Variants in ERICH3 observed in about 807,000 individuals in gnomAD.
The protein encoded by ERICH3 is glutamate-rich protein 3.
A neutral mutation model predicts 131.1 loss-of-function variants in ERICH3; 126 were observed. The ratio of observed to expected loss-of-function variants is 0.96; its 90% CI spans 0.83 to 1.11. The LOEUF (loss-of-function observed/expected upper bound fraction) is 1.11. ERICH3 is among the 50% of genes most tolerant of loss of function. The pLI, the probability that ERICH3 is intolerant of heterozygous loss-of-function variation, is 0.00. For synonymous variants in ERICH3, 695 were observed against 644.6 expected (o/e 1.08, Z -1.18); for missense variants, 2,050 against 1,810.7 (o/e 1.13, Z -2.40).
chr1:74,585,645 A>C (rs1647291724), intron 12 of ERICH3, among the ~76,000 whole-genome samples: 1 of 152,120 alleles, frequency 6.6e-6, no homozygotes, highest in Non-Finnish European at 1.5e-5. Context: ...CTTTTATTCT[A>C]ACTGAAAAAT....
At chr1:74,671,438 G>A (rs1198131332) in intron 1 of ERICH3, among the ~76,000 whole-genome samples, 1 of 152,196 alleles carries the variant, frequency 6.6e-6, no homozygotes, top group South Asian at 2.1e-4. Flanking sequence ...AAAACTTGCT[G>A]GTTTGAGACT....
chr1:74,601,718 G>A (rs185395817), intron 10 of ERICH3, among the ~76,000 whole-genome samples: 2 of 151,958 alleles, frequency 1.3e-5, no homozygotes, highest in Non-Finnish European at 2.9e-5. Context: ...GAGAGAATAT[G>A]AGTGGATTGC....
chr1:74,617,718 AG>A (rs1240371307), intron 8 of ERICH3, among the ~76,000 whole-genome samples: 2 of 152,236 alleles, frequency 1.3e-5, no homozygotes, highest in Non-Finnish European at 2.9e-5. Flanking sequence ...AAAGAGAACA[AG>A]GGAACTTCCT....
chr1:74,606,723 A>T lies in ERICH3; in HGVS notation c.1367T>A (p.Phe456Tyr). The T allele has an allele frequency of 6.2e-7, 1 of 1,613,334 alleles. No homozygotes were observed. The highest frequency in any genetic ancestry group is 8.5e-7 in the Non-Finnish European group (1 of 1,179,562). ...KENKTSVSAK[F>Y]SAQEIKTGLK... Reference sequence around the variant, plus strand: ...CCCTGTTTTTATTTCTTGAGCTGAAAATTTGGCTGAAACAGAGGTTTTGTT... The same window carrying T: ...CCCTGTTTTTATTTCTTGAGCTGAATATTTGGCTGAAACAGAGGTTTTGTT... The change falls in exon 10 of 15, where the codon TTT (phenylalanine) becomes TAT (tyrosine). Residue 456 changes from phenylalanine to tyrosine, a missense_variant. Phe to Tyr is a conservative substitution (Grantham distance 22). Transcript: ENST00000326665.
Position 74,571,660 on chromosome 1 carries a change from T to G in ERICH3, c.4050A>C (p.Ala1350=). The change falls in exon 14 of 15, where the codon GCA becomes GCC. Residue 1350 remains alanine (A), a synonymous_variant. Coordinates refer to ENST00000326665, the MANE Select transcript of ERICH3 (RefSeq NM_001002912.5). ...VEVLHGGGET[A]ETAAEEREVL... ...CCTCCCTCTCCTCTGCGGCTGTTTC[T>G]GCCGTTTCACCACCTCCGTGTAGAA... 1 of 1,614,174 alleles carries G rather than the reference T, an allele frequency of 6.2e-7. No homozygotes were observed. The highest frequency in any genetic ancestry group is 8.5e-7 in the Non-Finnish European group (1 of 1,180,026).
intron 1 of ERICH3, among the ~76,000 whole-genome samples, chr1:74,655,558 G>A (rs1012602596): frequency 2.0e-4 from 30 of 152,124 alleles, no homozygotes; most frequent in African/African-American, 7.0e-4. Flanking sequence ...CCCCATTTAG[G>A]GACCTTTGTG....
At position 74,571,375 on chromosome 1, in the gene ERICH3, T is replaced by A; in HGVS notation, c.4335A>T (p.Gly1445=). ...CCTCTGACCCTTCCTCTTGCTCCTGTCCTAGCCCTGAGGTCTTCCGCTCCA... is the reference window on the plus strand; with the variant it reads ...CCTCTGACCCTTCCTCTTGCTCCTGACCTAGCCCTGAGGTCTTCCGCTCCA... ...GALERKTSGL[G]QEQEEGSEGQ... The change falls in exon 14 of 15, where the codon GGA becomes GGT. Residue 1445 remains glycine (G), a synonymous_variant. Coordinates refer to ENST00000326665, the MANE Select transcript of ERICH3 (RefSeq NM_001002912.5). 1 of 1,613,996 alleles carries A rather than the reference T, an allele frequency of 6.2e-7. No individual in the cohort carries two copies.
At chr1:74,577,480 C>T (rs1370998618) in intron 12 of ERICH3, 1 of 152,344 alleles carries the variant, frequency 6.6e-6, no homozygotes, top group Non-Finnish European at 1.5e-5. Flanking sequence ...ATCTGTCCAG[C>T]TTATTGGAGG....
chr1:74,661,198 G>A (rs1348256335), intron 1 of ERICH3, among the ~76,000 whole-genome samples: 1 of 152,002 alleles, frequency 6.6e-6, no homozygotes, highest in Non-Finnish European at 1.5e-5. Flanking sequence ...AGGTTAAAGA[G>A]GTTGACTAAA....
intron 13 of ERICH3, among the ~76,000 whole-genome samples, chr1:74,576,649 G>A (rs1647060228): frequency 1.3e-5 from 2 of 152,118 alleles, no homozygotes; most frequent in Non-Finnish European, 2.9e-5. Context: ...AATCTCAAAT[G>A]CCTCACAGTG....
chr1:74,605,785 A>G (rs1648358148), intron 10 of ERICH3, among the ~76,000 whole-genome samples: 1 of 151,864 alleles, frequency 6.6e-6, no homozygotes, highest in Admixed American at 6.6e-5. Context: ...CAGATATCAT[A>G]ATAATGAAAA....
chr1:74,673,428 G>C, intron 1 of ERICH3, 69 bp downstream of exon 1: 1 of 1,582,246 alleles, frequency 6.3e-7, no homozygotes, highest in Non-Finnish European at 8.7e-7. Context: ...GCAGCAGGAG[G>C]GAGGAGGAGG....
At chr1:74,636,983 T>G (rs1557694631) in intron 5 of ERICH3, among the ~76,000 whole-genome samples, 1 of 152,180 alleles carries the variant, frequency 6.6e-6, no homozygotes, top group Non-Finnish European at 1.5e-5. Flanking sequence ...CTTGAAATAC[T>G]AGGAAAACAA....
intron 1 of ERICH3, among the ~76,000 whole-genome samples, chr1:74,654,372 A>C (rs1050104169): frequency 6.7e-6 from 1 of 148,942 alleles, no homozygotes; most frequent in African/African-American, 2.6e-5. Context: ...ATATATATGT[A>C]TGTATATATG....
At position 74,589,849 on chromosome 1, in the gene ERICH3, T is replaced by A; in HGVS notation, c.1958A>T (p.Asp653Val). 2 of 1,614,090 alleles carry A rather than the reference T, an allele frequency of 1.2e-6. No individual in the cohort carries two copies. Among genetic ancestry groups the A allele is most frequent in the Non-Finnish European group, 1.7e-6 (2 of 1,179,984 alleles). Residue 653 changes from aspartate (D) to valine (V), a missense_variant, in exon 12 of 15, where the codon GAT becomes GTT. Physicochemically the swap from Asp to Val is radical, Grantham distance 152 (BLOSUM62 -3). Transcript: ENST00000326665. Reference sequence around the variant, plus strand: ...TATTGGCATCGGCTTGGTCTCCACATCTGCTTTTGTTATTTCTTGGTCTTC... The same window carrying A: ...TATTGGCATCGGCTTGGTCTCCACAACTGCTTTTGTTATTTCTTGGTCTTC... ...EIEDQEITKA[D>V]VETKPMPIDE...
At position 74,572,144 on chromosome 1, in the gene ERICH3, T is replaced by A. The variant is rs138589492; in HGVS notation, c.3566A>T (p.Glu1189Val). The A allele has an allele frequency of 5.6e-6, 9 of 1,613,982 alleles. No individual in the cohort carries two copies. The highest frequency in any genetic ancestry group is 3.4e-6 in the Non-Finnish European group (4 of 1,180,018). Residue 1189 changes from glutamate (E) to valine (V), a missense_variant, in exon 14 of 15, where the codon GAG becomes GTG. Transcript: ENST00000326665. ...GERLSEARDT[E>V]HKDREELSSR... is the part of the protein sequence containing the mutation. ...GGACAGCTCTTCTCTGTCTTTGTGC[T>A]CTGTGTCTCTGGCTTCACTCAGTCT...
rs193069157 is a variant in ERICH3, at chr1:74,634,982, C to A, written c.603+1298G>T. The A allele has an allele frequency of 9.4e-6, 3 of 318,514 alleles. No homozygotes were observed. In the East Asian group the frequency reaches 1.5e-4, roughly 16 times the overall value. The allele number at this position is 318,514 out of a possible 1,614,324, so 19.7% of individuals were successfully genotyped here. ...TATGTCTGCCTACTAGGGGATAATG[C>A]ACTTCTTCTATAAGCCTTGACTATG... On this transcript the variant is annotated intron_variant, in intron 6 of 14. Coordinates refer to ENST00000326665, the MANE Select transcript of ERICH3 (RefSeq NM_001002912.5).
At chr1:74,583,880 A>G (rs1647224543) in intron 12 of ERICH3, among the ~76,000 whole-genome samples, 1 of 152,182 alleles carries the variant, frequency 6.6e-6, no homozygotes, top group Admixed American at 6.6e-5. Context: ...ACTGTTTTAA[A>G]CAAACCAAAT....
At chr1:74,662,464 A>G (rs1646651038) in intron 1 of ERICH3, among the ~76,000 whole-genome samples, 1 of 152,188 alleles carries the variant, frequency 6.6e-6, no homozygotes, top group Non-Finnish European at 1.5e-5. Context: ...CAACAGAAAA[A>G]AAAATGTTCA....
Sources: allele counts gnomAD v4.1 joint callset (sites outside exome capture counted in the v4.1 genomes callset), GRCh38; gene constraint gnomAD v4.1.1; transcripts MANE v1.5; gene names NCBI Gene and HGNC (gene_info 2026-07-23, HGNC 2026-07-21).